Variants in SEZ6 observed in about 807,000 individuals in gnomAD.
The protein encoded by SEZ6 is seizure related 6 homolog.
In SEZ6, 53 loss-of-function variants were observed where a neutral mutation model predicts 101.0. That is an observed-to-expected ratio of 0.52 (90% confidence interval 0.42 to 0.66). The LOEUF is 0.66. Ranked by LOEUF, SEZ6 falls within the 30% of genes least tolerant of loss-of-function variation. The pLI is 0.00. For synonymous variants in SEZ6, 488 were observed against 512.2 expected, an observed-to-expected ratio of 0.95 and a Z score of 0.64; for missense variants, 1,102 against 1,289.4, an observed-to-expected ratio of 0.85 and a Z score of 2.23.
chr17:28,981,419 T>C lies in SEZ6; in HGVS notation c.676A>G (p.Thr226Ala). 4 of 1,555,648 alleles carry C rather than the reference T, an allele frequency of 2.6e-6. No homozygotes were observed. The highest frequency in any genetic ancestry group is 3.5e-6 in the Non-Finnish European group (4 of 1,149,188). The change falls in exon 2 of 17, where the codon ACT becomes GCT. Residue 226 changes from threonine to alanine, a missense_variant. Physicochemically the swap from Thr to Ala is moderately conservative, Grantham distance 58. Coordinates refer to ENST00000317338, the MANE Select transcript of SEZ6 (RefSeq NM_178860.5). ...TASGDDEETT[T>A]TTTIITTTIT... ...GTGGTGGTGATGATGGTGGTGGTAG[T>C]GGTGGTCTCCTCATCATCTCCTGAA... is the stretch of plus-strand genomic sequence containing the variant.
intron 3 of SEZ6, among the ~76,000 whole-genome samples, chr17:28,976,685 G>T (rs2041225672): frequency 6.6e-6 from 1 of 152,164 alleles, no homozygotes; most frequent in South Asian, 2.1e-4. Context: ...CTGCTCTTGG[G>T]CTGAGCCTCT....
intron 3 of SEZ6, among the ~76,000 whole-genome samples, chr17:28,976,604 C>T (rs1461597545): frequency 6.6e-6 from 1 of 152,196 alleles, no homozygotes; most frequent in Non-Finnish European, 1.5e-5. Flanking sequence ...GTAGGCCTTC[C>T]AGCTGCCCAC....
chr17:28,966,563 G>A (rs1267293802), intron 4 of SEZ6, among the ~76,000 whole-genome samples: 2 of 152,164 alleles, frequency 1.3e-5, no homozygotes, highest in Non-Finnish European at 2.9e-5. Flanking sequence ...TGAGAGGCTT[G>A]TGCTACAGAG....
chr17:28,994,090 A>G (rs887399331), intron 1 of SEZ6, among the ~76,000 whole-genome samples: 2 of 151,838 alleles, frequency 1.3e-5, no homozygotes, highest in Admixed American at 6.6e-5. Flanking sequence ...AGCTCTGGCC[A>G]CTCCCTACCC....
intron 4 of SEZ6, among the ~76,000 whole-genome samples, chr17:28,969,280 A>G (rs2041114832): frequency 6.6e-6 from 1 of 152,148 alleles, no homozygotes. Context: ...TCTGGCAGCT[A>G]AGCAGATGGT....
intron 3 of SEZ6, among the ~76,000 whole-genome samples, chr17:28,973,121 G>A (rs947658489): frequency 1.3e-5 from 2 of 152,104 alleles, no homozygotes; most frequent in African/African-American, 4.8e-5. Context: ...GCCTTGTATT[G>A]TACTAAGTGC....
At position 28,982,000 on chromosome 17, in the gene SEZ6, G is replaced by T; in HGVS notation, c.95C>A (p.Ala32Asp). 6.2e-7 allele frequency: 1 copy of T among 1,610,204 alleles called. No homozygotes were observed. The highest frequency in any genetic ancestry group is 2.2e-5 in the East Asian group (1 of 44,830). Residue 32 changes from alanine (A) to aspartate (D), a missense_variant, in exon 2 of 17, where the codon GCC becomes GAC. By Grantham distance (126) the Ala-to-Asp change is moderately radical (BLOSUM62 -2). This residue lies in a region of SEZ6 where 406 missense variants were observed against 418.6 expected (regional missense o/e 0.97). Coordinates refer to ENST00000317338, the MANE Select transcript of SEZ6 (RefSeq NM_178860.5). ...GCCATCTGTCTCCTCGATGCCTGGG[G>T]CTTGTCCTTTCCCCACGGTTGGGGC... ...LEAPTVGKGQ[A>D]PGIEETDGEL...
At chr17:28,979,161 C>A (rs550647599) in intron 3 of SEZ6, among the ~76,000 whole-genome samples, 1 of 152,010 alleles carries the variant, frequency 6.6e-6, no homozygotes, top group East Asian at 1.9e-4. Flanking sequence ...TTAATCCTAA[C>A]GGAGGGATGA....
intron 1 of SEZ6, among the ~76,000 whole-genome samples, chr17:28,989,144 G>A (rs1176183813): frequency 1.3e-5 from 2 of 152,146 alleles, no homozygotes; most frequent in African/African-American, 2.4e-5. Flanking sequence ...GACAAGCCAG[G>A]TCCCTCAGCA....
chr17:28,981,512 A>G lies in SEZ6; in HGVS notation c.583T>C (p.Trp195Arg), dbSNP rs1354099509. 2 of 1,610,218 alleles carry G rather than the reference A, an allele frequency of 1.2e-6. No homozygotes were observed. Among genetic ancestry groups the G allele is most frequent in the South Asian group, 1.1e-5 (1 of 90,194 alleles). The change falls in exon 2 of 17, where the codon TGG (tryptophan) becomes CGG (arginine). Residue 195 changes from tryptophan (W) to arginine (R), a missense_variant. Coordinates refer to ENST00000317338, the MANE Select transcript of SEZ6 (RefSeq NM_178860.5). ...QEGPGDMGRP[W>R]VAEVVSQGAG... ...CCCTGGGACACAACCTCTGCAACCC[A>G]CGGCCTTCCCATGTCTCCAGGACCC...
intron 1 of SEZ6, among the ~76,000 whole-genome samples, chr17:28,989,251 C>G (rs920910943): frequency 1.3e-5 from 2 of 152,144 alleles, no homozygotes; most frequent in African/African-American, 4.8e-5. Flanking sequence ...ATGAAGGGCT[C>G]TATGAATAAA....
intron 4 of SEZ6, among the ~76,000 whole-genome samples, chr17:28,965,922 T>C (rs1400190141): frequency 6.7e-6 from 1 of 149,824 alleles, no homozygotes; most frequent in African/African-American, 2.5e-5. Flanking sequence ...ACGGATGGCC[T>C]GAGGTCAAGA....
chr17:29,005,492 T>G lies in SEZ6; in HGVS notation c.55+323A>C, dbSNP rs1351107073. On this transcript the variant is annotated intron_variant, in intron 1 of 16. Coordinates refer to ENST00000317338, the MANE Select transcript of SEZ6 (RefSeq NM_178860.5). This position sits in a 1 kb window ranked among gnomAD's most constrained non-coding sequence, Gnocchi z 4.8. The stretch of plus-strand genomic sequence containing the variant: ...CCCCAGCACCCTGAGATGCCTAGAG[T>G]GTGGCGAGGTAGCGCGCGGGTGAGC... 6.6e-6 allele frequency among the ~76,000 whole-genome samples: 1 copy of G among 151,882 alleles called. No homozygotes were observed. The highest frequency in any genetic ancestry group is 2.4e-5 in the African/African-American group (1 of 41,322).
chr17:28,994,586 T>A (rs1363717703), intron 1 of SEZ6, among the ~76,000 whole-genome samples: 3 of 152,064 alleles, frequency 2.0e-5, no homozygotes, highest in Non-Finnish European at 2.9e-5. Flanking sequence ...TTTTTTGTAT[T>A]TTTTAGTAGA....
intron 1 of SEZ6, among the ~76,000 whole-genome samples, chr17:28,995,832 G>A (rs2041529608): frequency 6.6e-6 from 1 of 152,102 alleles, no homozygotes; most frequent in Non-Finnish European, 1.5e-5. Flanking sequence ...TTTTGGCAGA[G>A]TTGAGCTGTA....
chr17:28,974,917 G>A (rs573831633), intron 3 of SEZ6, among the ~76,000 whole-genome samples: 18 of 152,288 alleles, frequency 1.2e-4, no homozygotes, highest in African/African-American at 4.1e-4. Flanking sequence ...ATTGAATCCC[G>A]GCTCAATCAC....
At chr17:28,969,098 T>G (rs935459817) in intron 4 of SEZ6, among the ~76,000 whole-genome samples, 2 of 152,232 alleles carry the variant, frequency 1.3e-5, no homozygotes, top group African/African-American at 4.8e-5. Flanking sequence ...AGAGGTCAAA[T>G]GACTTGTCCA....
At chr17:28,963,243 A>G (rs2041013912) in intron 5 of SEZ6, among the ~76,000 whole-genome samples, 1 of 152,028 alleles carries the variant, frequency 6.6e-6, no homozygotes, top group Non-Finnish European at 1.5e-5. Context: ...ATCACTCAGG[A>G]CCAGACCTGG....
intron 3 of SEZ6, among the ~76,000 whole-genome samples, chr17:28,972,703 C>G (rs753188308): frequency 3.3e-5 from 5 of 152,214 alleles, no homozygotes; most frequent in Non-Finnish European, 7.3e-5. Context: ...TTCTGTGATT[C>G]TAGAGTTGGG....
Sources: allele counts gnomAD v4.1 joint callset (sites outside exome capture counted in the v4.1 genomes callset), GRCh38; gene constraint gnomAD v4.1.1; regional missense constraint gnomAD v4.1.1; non-coding constraint Gnocchi (gnomAD v3.1); transcripts MANE v1.5; gene names NCBI Gene and HGNC (gene_info 2026-07-23, HGNC 2026-07-21).